TNPO3: variants seen among roughly 807,000 people sequenced by gnomAD.
TNPO3 encodes the protein transportin-3.
Under a neutral mutation model 122.8 loss-of-function variants are expected in TNPO3, and 65 were observed. That is an observed-to-expected ratio of 0.53 (90% CI 0.43 to 0.65). The LOEUF (loss-of-function observed/expected upper bound fraction) is 0.65, where lower values mean the gene tolerates loss of function less well. Among genes scored for constraint, TNPO3 ranks in the 30% least tolerant of loss-of-function variants. TNPO3 has a pLI of 0.00. For missense variants in TNPO3, 850 were observed against 1,136.7 expected, an observed-to-expected ratio of 0.75 and a Z score of 3.63; for synonymous variants, 372 against 411.2, an observed-to-expected ratio of 0.90 and a Z score of 1.15.
At chr7:129,055,973 CG>C, upstream of TNPO3, 1 of 732,822 alleles carries the variant, frequency 1.4e-6, no homozygotes, top group South Asian at 1.5e-5. Flanking sequence ...TAATAAAACC[CG>C]TTTTAGGCGC....
chr7:128,964,331 A>ATGT (rs1374866704), intron 21 of TNPO3, among the ~76,000 whole-genome samples: 1 of 96,864 alleles, frequency 1.0e-5, no homozygotes, highest in Non-Finnish European at 1.9e-5. Context: ...GGCCAAAACA[A>ATGT]TCTTTTTTTT....
intron 1 of TNPO3, among the ~76,000 whole-genome samples, chr7:129,041,318 C>T (rs1040238554): frequency 6.6e-6 from 1 of 152,198 alleles, no homozygotes; most frequent in Non-Finnish European, 1.5e-5. Flanking sequence ...GCTACGATCA[C>T]ACCACTGCCC....
intron 1 of TNPO3, among the ~76,000 whole-genome samples, chr7:129,048,348 G>A (rs1055095149): frequency 1.3e-5 from 2 of 152,122 alleles, no homozygotes; most frequent in Admixed American, 6.5e-5. Context: ...GGCCAACATG[G>A]CAAAACCCCA....
At chr7:129,015,667 C>T (rs1248685875) in intron 3 of TNPO3, among the ~76,000 whole-genome samples, 1 of 151,866 alleles carries the variant, frequency 6.6e-6, no homozygotes, top group East Asian at 1.9e-4. Flanking sequence ...ACCGTTTCTA[C>T]ATTCAAAATT....
At chr7:129,027,558 CAAA>C (rs71162549) in intron 1 of TNPO3, among the ~76,000 whole-genome samples, 168 of 8,882 alleles carry the variant, frequency 0.019, 2 homozygotes, top group Non-Finnish European at 0.025. Flanking sequence ...AAGACTGTCT[CAAA>C]AAAAAAAAAA....
chr7:128,958,207 G>T (rs373869695), intron 21 of TNPO3, among the ~76,000 whole-genome samples: 1 of 129,918 alleles, frequency 7.7e-6, no homozygotes, highest in African/African-American at 2.9e-5. Flanking sequence ...GCAATGGCAC[G>T]ATCTCAGCTC....
At chr7:128,955,874 T>C (rs1046385622) in intron 22 of TNPO3, among the ~76,000 whole-genome samples, 3 of 152,228 alleles carry the variant, frequency 2.0e-5, no homozygotes, top group African/African-American at 7.2e-5. Context: ...TACCAGAATA[T>C]CTACATGTGA....
intron 1 of TNPO3, among the ~76,000 whole-genome samples, chr7:129,020,090 C>T (rs968847508): frequency 6.6e-6 from 1 of 152,030 alleles, no homozygotes; most frequent in African/African-American, 2.4e-5. Flanking sequence ...ATCACTTGAG[C>T]CCAAGCAACA....
chr7:129,012,123 A>G (rs1294539258), intron 4 of TNPO3, among the ~76,000 whole-genome samples: 1 of 149,166 alleles, frequency 6.7e-6, no homozygotes, highest in Non-Finnish European at 1.5e-5. Context: ...CTCCTGCCTC[A>G]GCCTCCCGAC....
intron 7 of TNPO3, among the ~76,000 whole-genome samples, chr7:128,997,941 G>A (rs970859034): frequency 4.6e-5 from 7 of 151,488 alleles, no homozygotes; most frequent in Non-Finnish European, 7.4e-5. Context: ...GAGCTCAAGT[G>A]ATCCTCCTGC....
Position 128,954,440 on chromosome 7 carries a change from C to T in TNPO3, c.*977G>A, listed in dbSNP as rs1347082987. 1 of 152,232 alleles carries T rather than the reference C, an allele frequency of 6.6e-6. No homozygotes were observed. 9.4% of individuals were successfully genotyped at this position (152,232 alleles called of 1,614,324 possible). ...GCCCTGTAAACATTTTTTCTCCACA[C>T]ACCCTCCCTCTTTTTTTCTCTCATG... On this transcript the variant is annotated 3_prime_UTR_variant, in exon 23 of 23. Coordinates refer to ENST00000265388, the MANE Select transcript of TNPO3 (RefSeq NM_012470.4).
At chr7:129,026,394 AT>A (rs969403916) in intron 1 of TNPO3, among the ~76,000 whole-genome samples, 8,643 of 94,780 alleles carry the variant, frequency 0.091, 202 homozygotes, top group South Asian at 0.12. Context: ...TGACGTTTGA[AT>A]TTTTTTTTTT....
intron 5 of TNPO3, 45 bp downstream of exon 5, chr7:129,004,971 A>G (rs527566044): frequency 1.3e-6 from 2 of 1,580,412 alleles, no homozygotes; most frequent in South Asian, 2.3e-5. Context: ...TTAGTTACGA[A>G]AAGTGATTGG....
At chr7:129,035,550 A>C (rs1360988505) in intron 1 of TNPO3, among the ~76,000 whole-genome samples, 2 of 152,158 alleles carry the variant, frequency 1.3e-5, no homozygotes, top group African/African-American at 4.8e-5. Context: ...CAGGAAGTCA[A>C]GGCCGCAGTG....
Position 128,975,926 on chromosome 7 carries a change from C to A in TNPO3, c.2071G>T (p.Val691Leu), listed in dbSNP as rs1203231715. Residue 691 changes from valine (V) to leucine (L), a missense_variant, in exon 17 of 23, where the codon GTG becomes TTG. Coordinates refer to ENST00000265388, the MANE Select transcript of TNPO3 (RefSeq NM_012470.4). ...CAGGAATGCTGATGTACGTGGTACA[C>A]ATTCACCATCTGTTGAGGGAAAAAA... Reference protein sequence around the residue: ...LQPLVTQMVNVYHVHQHSCFL... With the variant: ...LQPLVTQMVNLYHVHQHSCFL... 1 of 1,610,428 alleles carries A rather than the reference C, an allele frequency of 6.2e-7. No individual in the cohort carries two copies. The highest frequency in any genetic ancestry group is 8.5e-7 in the Non-Finnish European group (1 of 1,176,778).
chr7:129,016,873 T>C (rs1160778213), intron 3 of TNPO3, 110 bp downstream of exon 3: 4 of 873,812 alleles, frequency 4.6e-6, no homozygotes, highest in African/African-American at 1.7e-5. Flanking sequence ...CATAATTCTA[T>C]GTTAAGAGTT....
At chr7:129,021,779 C>T (rs538766361) in intron 1 of TNPO3, among the ~76,000 whole-genome samples, 10 of 151,440 alleles carry the variant, frequency 6.6e-5, no homozygotes, top group African/African-American at 1.5e-4. Flanking sequence ...ATACAAGATA[C>T]GGAAGAATAG....
At chr7:128,955,451 T>G (rs1585316436) in intron 22 of TNPO3, 66 bp from the exon 23 acceptor site, 1 of 407,754 alleles carries the variant, frequency 2.5e-6, no homozygotes, top group East Asian at 8.0e-5. Context: ...AAATCAACCT[T>G]AAGGCAGAGG....
chr7:128,986,925 GA>G lies in TNPO3; in HGVS notation c.1499-6del, dbSNP rs1160177904. ...TCAAATAGCCCAACACAGGGTCTAAGAAGAAAAGCCAAGCAGAGATTACATA... is the reference window on the plus strand; with the variant it reads ...TCAAATAGCCCAACACAGGGTCTAAGAGAAAAGCCAAGCAGAGATTACATA... On this transcript the variant is annotated splice_polypyrimidine_tract_variant and splice_region_variant and intron_variant, in intron 11 of 22. Coordinates refer to ENST00000265388, the MANE Select transcript of TNPO3 (RefSeq NM_012470.4). The G allele has an allele frequency of 1.2e-6, 2 of 1,600,152 alleles. No individual in the cohort carries two copies. The highest frequency in any genetic ancestry group is 2.7e-5 in the African/African-American group (2 of 74,134).
Sources: gnomAD v4.1 joint callset for allele counts (sites outside exome capture counted in the v4.1 genomes callset) on GRCh38, gnomAD v4.1.1 for gene constraint, MANE v1.5 for transcripts, NCBI Gene and HGNC (gene_info 2026-07-23, HGNC 2026-07-21) for gene names.